The following MLXIPL variants were observed in gnomAD, a reference collection of about 807,000 sequenced individuals.
MLXIPL encodes the protein carbohydrate-responsive element-binding protein.
In MLXIPL, 49 loss-of-function variants were observed where a neutral mutation model predicts 81.5. That is an observed-to-expected ratio of 0.60 (90% confidence interval 0.48 to 0.76). The LOEUF is 0.76. Ranked by LOEUF, MLXIPL falls within the 30% of genes least tolerant of loss-of-function variation. MLXIPL has a pLI of 0.00. For missense variants in MLXIPL, 1,053 were observed against 1,167.0 expected (o/e 0.90, Z 1.42); for synonymous variants, 466 against 485.5 (o/e 0.96, Z 0.53).
intron 7 of MLXIPL, among the ~76,000 whole-genome samples, chr7:73,602,681 A>G (rs1794977643): frequency 6.6e-6 from 1 of 151,692 alleles, no homozygotes; most frequent in Non-Finnish European, 1.5e-5. Context: ...TTCCATCTCA[A>G]AAAAAGGGGG....
chr7:73,616,674 C>G (rs1213114932), intron 1 of MLXIPL, among the ~76,000 whole-genome samples: 1 of 151,968 alleles, frequency 6.6e-6, no homozygotes, highest in Non-Finnish European at 1.5e-5. Context: ...CATACTGAAG[C>G]CCTGTCTCTA....
chr7:73,621,803 C>CTCTCCCTCCCTCCCTCTCCCTCCG (rs1311127743), intron 1 of MLXIPL, among the ~76,000 whole-genome samples: 4 of 90,386 alleles, frequency 4.4e-5, no homozygotes, highest in Non-Finnish European at 7.1e-5. Flanking sequence ...ATCTCCTTCC[C>CTCTCCCTCCCTCCCTCTCCCTCCG]TCTCCCTCCC....
rs1252106208 is a variant in MLXIPL, at chr7:73,597,727, C to A, written c.1072-14G>T. On this transcript the variant is annotated splice_polypyrimidine_tract_variant and intron_variant, in intron 8 of 16. Coordinates refer to ENST00000313375, the MANE Select transcript of MLXIPL (RefSeq NM_032951.3). ...GCTGTTCCGAGCCTGGTTGGGGGGA[C>A]AGACAGACACTCAGAGAGCAGGGGA... 3 of 1,337,026 alleles carry A rather than the reference C, an allele frequency of 2.2e-6. No homozygotes were observed. Among genetic ancestry groups the A allele is most frequent in the Admixed American group, 2.9e-5 (1 of 34,456 alleles). The allele number at this position is 1,337,026 out of a possible 1,614,324, so 82.8% of individuals were successfully genotyped here. A position where few individuals can be genotyped will look rare whatever the true frequency, so the allele number is the denominator to read the frequency against.
the MLXIPL span, among the ~76,000 whole-genome samples, chr7:73,631,558 C>CTTTTTTTTTTTTTTTTTTT: frequency 1.9e-3 from 134 of 69,668 alleles, 24 homozygotes; most frequent in Non-Finnish European, 3.0e-3. Context: ...GATGTTGCTA[C>CTTTTTTTTTTTTTTTTTTT]TTTTTTTTTT....
In MLXIPL at chr7:73,596,586, C is replaced by T; in HGVS notation, c.1822+53G>A. ...CAGACCCAGTCCCCTTCTTCTTCCT[C>T]CTCTTCCCCTCATCCCCTAGATTCC... On this transcript the variant is annotated intron_variant, in intron 11 of 16. Coordinates refer to ENST00000313375, the MANE Select transcript of MLXIPL (RefSeq NM_032951.3). The surrounding 1 kb of genome is among the most constrained non-coding windows in gnomAD (Gnocchi z 4.7). The T allele has an allele frequency of 1.2e-6, 2 of 1,600,346 alleles. No homozygotes were observed. The highest frequency in any genetic ancestry group is 2.2e-5 in the South Asian group (2 of 89,424).
chr7:73,594,179 G>T, intron 16 of MLXIPL, 95 bp downstream of exon 16: 1 of 1,579,270 alleles, frequency 6.3e-7, no homozygotes, highest in Non-Finnish European at 8.6e-7. Context: ...AGGCTGTGTT[G>T]ATGGCAAGCT....
At chr7:73,602,022 C>T (rs1449094811) in intron 7 of MLXIPL, among the ~76,000 whole-genome samples, 2 of 151,926 alleles carry the variant, frequency 1.3e-5, no homozygotes, top group African/African-American at 4.8e-5. Context: ...TGCTCTGTGC[C>T]TGTCCGCGTG....
the MLXIPL span, among the ~76,000 whole-genome samples, chr7:73,643,008 A>G: frequency 2.0e-5 from 3 of 152,188 alleles, no homozygotes; most frequent in Non-Finnish European, 4.4e-5. Context: ...CACTCTTAGC[A>G]TTCTGGAGAT....
At chr7:73,610,933 C>T (rs138055988) in intron 2 of MLXIPL, 2 of 152,138 alleles carry the variant, frequency 1.3e-5, no homozygotes, top group East Asian at 1.9e-4. Context: ...GAACAATTCT[C>T]CTGCCTCAGC....
Position 73,597,294 on chromosome 7 carries a change from G to T in MLXIPL, c.1491C>A (p.Ala497=). The T allele has an allele frequency of 6.4e-7, 1 of 1,570,388 alleles. No individual in the cohort carries two copies. The highest frequency in any genetic ancestry group is 8.6e-7 in the Non-Finnish European group (1 of 1,156,756). The stretch of plus-strand genomic sequence containing the variant: ...TGGCTTTCTGTCCCCTAGGGGATGG[G>T]GCGGGGGGCTTGCCTCTGGGCATGG... The part of the protein sequence containing the change: ...CFSMPRGKPP[A]PSPRGQKASP... The change falls in exon 9 of 17, where the codon GCC becomes GCA. Residue 497 remains alanine, a synonymous_variant. Coordinates refer to ENST00000313375, the MANE Select transcript of MLXIPL (RefSeq NM_032951.3).
rs781817300 is a variant in MLXIPL, at chr7:73,596,822, A to C, written c.1672-33T>G. On this transcript the variant is annotated intron_variant, in intron 10 of 16. Coordinates refer to ENST00000313375, the MANE Select transcript of MLXIPL (RefSeq NM_032951.3). This position sits in a 1 kb window ranked among gnomAD's most constrained non-coding sequence, Gnocchi z 4.7. The stretch of plus-strand genomic sequence containing the variant: ...GGAGAAGGGCGGAGAGTCGGGTTGA[A>C]GGCCGTGGGCACAGCCCCACCGCCC... 1 of 1,608,570 alleles carries C rather than the reference A, an allele frequency of 6.2e-7. No homozygotes were observed. The highest frequency in any genetic ancestry group is 1.1e-5 in the South Asian group (1 of 89,940).
chr7:73,633,049 G>T, the MLXIPL span, among the ~76,000 whole-genome samples: 1 of 147,780 alleles, frequency 6.8e-6, no homozygotes, highest in Non-Finnish European at 1.5e-5. Context: ...CCAAAGCGCC[G>T]GGACTATAGG....
chr7:73,603,206 C>A (rs1331190052), intron 7 of MLXIPL, among the ~76,000 whole-genome samples: 1 of 152,216 alleles, frequency 6.6e-6, no homozygotes, highest in Non-Finnish European at 1.5e-5. Context: ...CTTGGTGGTA[C>A]CAGTGCGCTC....
At chr7:73,633,733 G>T in the MLXIPL span, among the ~76,000 whole-genome samples, 1 of 152,140 alleles carries the variant, frequency 6.6e-6, no homozygotes, top group Non-Finnish European at 1.5e-5. Context: ...GGGATTCCAG[G>T]CGTGAGCCAT....
At chr7:73,595,389 C>A (rs1469101551) in intron 15 of MLXIPL, among the ~76,000 whole-genome samples, 2 of 152,272 alleles carry the variant, frequency 1.3e-5, no homozygotes, top group East Asian at 3.9e-4. Context: ...GAGGTCAGGG[C>A]CAAGGCTCCC....
chr7:73,641,593 T>G, the MLXIPL span, among the ~76,000 whole-genome samples: 1 of 152,196 alleles, frequency 6.6e-6, no homozygotes, highest in Non-Finnish European at 1.5e-5. Flanking sequence ...TTCTCAATTC[T>G]CTGACACCAG....
chr7:73,626,052 G>C (rs1796722712), upstream of MLXIPL, among the ~76,000 whole-genome samples: 1 of 152,164 alleles, frequency 6.6e-6, no homozygotes, highest in Non-Finnish European at 1.5e-5. Flanking sequence ...CACCCAGGCT[G>C]GAGTGCAATG....
At chr7:73,609,878 T>C (rs959039737) in intron 2 of MLXIPL, 9 of 152,162 alleles carry the variant, frequency 5.9e-5, no homozygotes, top group African/African-American at 1.9e-4. Context: ...GGTTTCACCA[T>C]GTTGCCCAGG....
intron 2 of MLXIPL, among the ~76,000 whole-genome samples, chr7:73,614,789 G>A (rs1457377312): frequency 6.7e-6 from 1 of 150,326 alleles, no homozygotes; most frequent in Non-Finnish European, 1.5e-5. Context: ...AGGACTATTG[G>A]CCTCGTTTTT....
Sources: allele counts gnomAD v4.1 joint callset (sites outside exome capture counted in the v4.1 genomes callset), GRCh38; gene constraint gnomAD v4.1.1; non-coding constraint Gnocchi (gnomAD v3.1); transcripts MANE v1.5; gene names NCBI Gene and HGNC (gene_info 2026-07-23, HGNC 2026-07-21).